The following MECOM variants were observed in gnomAD, a reference collection of about 807,000 sequenced individuals.
MECOM encodes histone-lysine N-methyltransferase MECOM.
Under a neutral mutation model 116.3 loss-of-function variants are expected in MECOM, and 13 were observed. The observed-to-expected ratio is 0.11, with a 90% CI of 0.07 to 0.18. MECOM has a LOEUF of 0.18. Ranked by LOEUF, MECOM falls within the 10% of genes least tolerant of loss-of-function variation. MECOM has a pLI of 1.00. For missense variants in MECOM, 1,299 were observed against 1,509.0 expected (o/e 0.86, Z 2.31); for synonymous variants, 528 against 535.2 (o/e 0.99, Z 0.19).
In MECOM at chr3:169,115,357, T is replaced by G. The variant is rs1426246180; in HGVS notation, c.2489+26A>C. The G allele has an allele frequency of 1.4e-5, 23 of 1,599,298 alleles. No individual in the cohort carries two copies. The Middle Eastern group carries it at 1.7e-3, about 116-fold the overall frequency. On this transcript the variant is annotated intron_variant, in intron 8 of 16. Coordinates refer to ENST00000651503, the MANE Select transcript of MECOM (RefSeq NM_004991.4). ...ACCGCCTTTCATACATCTGCTCATATTTCGTCATCTTCCATACACGCTTAC... is the reference window on the plus strand; with the variant it reads ...ACCGCCTTTCATACATCTGCTCATAGTTCGTCATCTTCCATACACGCTTAC...
chr3:169,570,357 A>G (rs1449134304), intron 1 of MECOM, among the ~76,000 whole-genome samples: 4 of 152,198 alleles, frequency 2.6e-5, no homozygotes, highest in Non-Finnish European at 4.4e-5. Flanking sequence ...ATAGCCTACC[A>G]ATCAAAAAAA....
At chr3:169,454,198 A>C (rs1746081836) in intron 1 of MECOM, among the ~76,000 whole-genome samples, 2 of 152,174 alleles carry the variant, frequency 1.3e-5, no homozygotes, top group South Asian at 4.2e-4. Flanking sequence ...CCAAGCGAGT[A>C]ATTTGTCATA....
intron 11 of MECOM, 95 bp from the exon 12 acceptor site, chr3:169,101,057 T>A: frequency 1.5e-6 from 1 of 666,428 alleles, no homozygotes; most frequent in Non-Finnish European, 2.4e-6. Context: ...CTGATTCAAT[T>A]AATCTTGCAT....
chr3:169,447,664 G>T (rs1434945415), intron 1 of MECOM, among the ~76,000 whole-genome samples: 1 of 152,188 alleles, frequency 6.6e-6, no homozygotes, highest in Admixed American at 6.5e-5. Context: ...ACAACATGAT[G>T]AGTGGTTTAT....
chr3:169,235,895 C>G (rs1413813516), intron 2 of MECOM, among the ~76,000 whole-genome samples: 1 of 151,048 alleles, frequency 6.6e-6, no homozygotes, highest in African/African-American at 2.4e-5. Context: ...GGGACAGACG[C>G]TCCTTGACTT....
At chr3:169,421,946 ATTGAGGGT>A (rs1026609544) in intron 1 of MECOM, among the ~76,000 whole-genome samples, 11 of 152,144 alleles carry the variant, frequency 7.2e-5, no homozygotes, top group African/African-American at 2.4e-4. Context: ...AGAATAAAGA[ATTGAGGGT>A]TTAACTTTCT....
In MECOM at chr3:169,663,480, CT is replaced by C. The variant is rs1776596811; in HGVS notation, c.-109del. 5 of 53,718 alleles carry C rather than the reference CT, an allele frequency of 9.3e-5. No individual in the cohort carries two copies. Among genetic ancestry groups the C allele is most frequent in the Non-Finnish European group, 1.8e-4 (5 of 27,634 alleles). The allele number at this position is 53,718 out of a possible 1,614,324, so 3.3% of individuals were successfully genotyped here. ...CTCCCTCCCTCTCTCTCCTGTCTCT[CT>C]CTCTCTCTCTCTCTCTCTCTCTCTC... is the stretch of plus-strand genomic sequence containing the variant. On this transcript the variant is annotated 5_prime_UTR_variant, in exon 1 of 17. Transcript: ENST00000651503.
intron 12 of MECOM, among the ~76,000 whole-genome samples, chr3:169,100,625 A>C (rs1723264320): frequency 6.6e-6 from 1 of 152,158 alleles, no homozygotes; most frequent in African/African-American, 2.4e-5. Flanking sequence ...TTTCTTAAGT[A>C]CTTATTCTGT....
chr3:169,505,232 T>C (rs1755049249), intron 1 of MECOM, among the ~76,000 whole-genome samples: 1 of 142,458 alleles, frequency 7.0e-6, no homozygotes, highest in Non-Finnish European at 1.6e-5. Context: ...CCAAAGTATA[T>C]CATACCCTGT....
intron 1 of MECOM, among the ~76,000 whole-genome samples, chr3:169,392,298 A>C (rs1560215414): frequency 6.6e-6 from 1 of 152,206 alleles, no homozygotes; most frequent in African/African-American, 2.4e-5. Context: ...GTGAAGGATT[A>C]AACAGATGTC....
At chr3:169,314,288 G>A (rs982988638) in intron 2 of MECOM, among the ~76,000 whole-genome samples, 5 of 152,144 alleles carry the variant, frequency 3.3e-5, no homozygotes, top group Admixed American at 1.3e-4. Context: ...CACAATGCCT[G>A]GCACATACTT....
At chr3:169,297,474 A>G (rs1015075107) in intron 2 of MECOM, among the ~76,000 whole-genome samples, 1 of 152,116 alleles carries the variant, frequency 6.6e-6, no homozygotes, top group African/African-American at 2.4e-5. Context: ...AATCTTTGCA[A>G]TTAAAAATTC....
intron 1 of MECOM, among the ~76,000 whole-genome samples, chr3:169,542,343 GACTTA>G (rs1228232223): frequency 1.3e-5 from 2 of 150,580 alleles, no homozygotes; most frequent in East Asian, 3.9e-4. Flanking sequence ...AAAAAGAACA[GACTTA>G]TTTTGAGCAA....
intron 1 of MECOM, among the ~76,000 whole-genome samples, chr3:169,658,895 C>T (rs1775867813): frequency 6.6e-6 from 1 of 152,080 alleles, no homozygotes; most frequent in Non-Finnish European, 1.5e-5. Context: ...GCCGGGCGTG[C>T]CGGGGGCAAC....
rs758977245 is a variant in MECOM at position 169,116,348 on chromosome 3, A to G, written c.1524T>C (p.Ala508=). ...TTGATAGTCCTTTAACAGGAGAACT[A>G]GCAGGTATCAAAGGAGGCCTGTGGT... ...GLYHRPPLIP[A]SSPVKGLSST... The change falls in exon 8 of 17, where the codon GCT becomes GCC. Residue 508 remains alanine, a synonymous_variant. Coordinates refer to ENST00000651503, the MANE Select transcript of MECOM (RefSeq NM_004991.4). The G allele has an allele frequency of 4.3e-6, 7 of 1,614,242 alleles. 1 individual carries two copies. In the South Asian group the frequency reaches 7.7e-5, roughly 18 times the overall value.
chr3:169,619,302 C>T (rs993750667), intron 1 of MECOM, among the ~76,000 whole-genome samples: 7 of 152,154 alleles, frequency 4.6e-5, no homozygotes, highest in African/African-American at 1.7e-4. Flanking sequence ...GATTACTGCT[C>T]GGTGCTGCCC....
intron 1 of MECOM, among the ~76,000 whole-genome samples, chr3:169,567,398 A>C (rs369781269): frequency 6.6e-6 from 1 of 152,038 alleles, no homozygotes; most frequent in African/African-American, 2.4e-5. Context: ...CCGACTGAAG[A>C]CTCTTTTAAT....
At chr3:169,500,651 CCA>C (rs1220137486) in intron 1 of MECOM, among the ~76,000 whole-genome samples, 1 of 151,788 alleles carries the variant, frequency 6.6e-6, no homozygotes, top group Non-Finnish European at 1.5e-5. Context: ...TTAACATTTT[CCA>C]CATGAACCCA....
intron 9 of MECOM, among the ~76,000 whole-genome samples, chr3:169,109,773 T>A (rs1215216425): frequency 6.6e-6 from 1 of 152,234 alleles, no homozygotes; most frequent in African/African-American, 2.4e-5. Flanking sequence ...AACGCAATAA[T>A]ATAGCCTAAT....
Sources: allele counts gnomAD v4.1 joint callset (sites outside exome capture counted in the v4.1 genomes callset), GRCh38; gene constraint gnomAD v4.1.1; transcripts MANE v1.5; gene names NCBI Gene and HGNC (gene_info 2026-07-23, HGNC 2026-07-21).